Variants in ANKS3 observed in about 807,000 individuals in gnomAD.
The protein encoded by ANKS3 is ankyrin repeat and sterile alpha motif domain containing 3.
ANKS3 carries 62 observed loss-of-function variants against 80.7 expected under a neutral mutation model. The observed-to-expected ratio is 0.77, with a 90% confidence interval of 0.63 to 0.95. The LOEUF (loss-of-function observed/expected upper bound fraction) is 0.95. Among genes scored for constraint, ANKS3 ranks in the 40% least tolerant of loss-of-function variants. The probability of loss-of-function intolerance (pLI) is 0.00; values close to 1 mark genes in which losing one functional copy is unlikely to be tolerated. For missense variants in ANKS3, 1,150 were observed against 883.6 expected, an observed-to-expected ratio of 1.30 and a Z score of -3.82; for synonymous variants, 489 against 355.3, an observed-to-expected ratio of 1.38 and a Z score of -4.23.
At chr16:4,728,681 G>A (rs1006616657) in intron 3 of ANKS3, among the ~76,000 whole-genome samples, 4 of 151,916 alleles carry the variant, frequency 2.6e-5, no homozygotes, top group African/African-American at 9.7e-5. Flanking sequence ...CTCAGCTAGT[G>A]TCAAAATCCC....
chr16:4,697,166 C>G (rs1232281401), intron 16 of ANKS3, 62 bp from the exon 17 acceptor site: 1 of 1,590,384 alleles, frequency 6.3e-7, no homozygotes, highest in Non-Finnish European at 8.6e-7. Context: ...TGGTGCTGCC[C>G]CGGGGTCTCA....
chr16:4,711,610 T>G (rs1187356870), intron 7 of ANKS3, among the ~76,000 whole-genome samples: 1 of 148,676 alleles, frequency 6.7e-6, no homozygotes, highest in Non-Finnish European at 1.5e-5. Flanking sequence ...CCCATCTACT[T>G]GGGACGCTGA....
intron 11 of ANKS3, chr16:4,700,623 ACT>A: frequency 2.5e-6 from 1 of 398,878 alleles, no homozygotes; most frequent in Non-Finnish European, 4.8e-6. Flanking sequence ...CCAAGCACAC[ACT>A]GTGTGTAGTT....
At chr16:4,698,640 C>T (rs753371235) in intron 13 of ANKS3, 41 bp from the exon 14 acceptor site, 21 of 1,533,386 alleles carry the variant, frequency 1.4e-5, no homozygotes, top group East Asian at 2.3e-5. Context: ...GGGAGGTGGC[C>T]GGTCAAGCCA....
At chr16:4,731,351 C>A (rs771650700) in intron 2 of ANKS3, among the ~76,000 whole-genome samples, 161 bp downstream of exon 2, 1 of 152,204 alleles carries the variant, frequency 6.6e-6, no homozygotes, top group Non-Finnish European at 1.5e-5. Context: ...ATGATTTCAG[C>A]TCACTGGAAC....
intron 6 of ANKS3, among the ~76,000 whole-genome samples, chr16:4,724,355 C>T (rs1358540714): frequency 6.6e-6 from 1 of 152,204 alleles, no homozygotes; most frequent in Admixed American, 6.5e-5. Flanking sequence ...CACATCTTTC[C>T]ACAGCAGAGG....
intron 6 of ANKS3, among the ~76,000 whole-genome samples, chr16:4,722,280 A>T (rs74655737): frequency 0.02 from 2,966 of 151,538 alleles, 133 homozygotes; most frequent in Non-Finnish European, 0.031. Flanking sequence ...GACAGCTCGT[A>T]AGAGAAATAC....
At chr16:4,696,934 G>A in intron 17 of ANKS3, 38 bp from the exon 18 acceptor site, 2 of 1,250,224 alleles carry the variant, frequency 1.6e-6, no homozygotes, top group East Asian at 2.4e-5. Context: ...GAGGGGGACA[G>A]GTGGGTGCAT....
intron 8 of ANKS3, among the ~76,000 whole-genome samples, chr16:4,703,917 G>C (rs1172543220): frequency 6.6e-6 from 1 of 152,198 alleles, no homozygotes; most frequent in South Asian, 2.1e-4. Context: ...CAGCTATATA[G>C]ATTAATTACC....
At chr16:4,719,621 A>C (rs1302454660) in intron 6 of ANKS3, among the ~76,000 whole-genome samples, 1 of 148,982 alleles carries the variant, frequency 6.7e-6, no homozygotes, top group South Asian at 2.1e-4. Context: ...TGGGCAACAT[A>C]GTGAGATTTT....
At chr16:4,730,339 A>C (rs906365906) in intron 2 of ANKS3, 188 bp from the exon 3 acceptor site, 13 of 455,196 alleles carry the variant, frequency 2.9e-5, no homozygotes, top group Admixed American at 1.8e-4. Context: ...CAACCATGCT[A>C]AATCTGGTGA....
At chr16:4,707,860 C>T (rs1366982587) in intron 7 of ANKS3, among the ~76,000 whole-genome samples, 1 of 152,044 alleles carries the variant, frequency 6.6e-6, no homozygotes, top group Non-Finnish European at 1.5e-5. Flanking sequence ...CCTGTAATCC[C>T]AGCACTTTGG....
intron 3 of ANKS3, among the ~76,000 whole-genome samples, chr16:4,728,984 G>C (rs1476170352): frequency 6.6e-6 from 1 of 152,196 alleles, no homozygotes. Flanking sequence ...GGCTCACTGG[G>C]AACTGGAAGA....
At chr16:4,709,536 T>C (rs1341643265) in intron 7 of ANKS3, among the ~76,000 whole-genome samples, 1 of 152,212 alleles carries the variant, frequency 6.6e-6, no homozygotes, top group African/African-American at 2.4e-5. Context: ...GCCGCAGTAT[T>C]CACAGTAGCC....
rs147057375 is a variant in ANKS3 at position 4,716,870 on chromosome 16, G to A, written c.574-2684C>T. On this transcript the variant is annotated intron_variant, in intron 6 of 17. Transcript: ENST00000304283. The stretch of plus-strand genomic sequence containing the variant: ...GCGGAGGTTGCAGTGAGCTGAGATC[G>A]CGCCACTGCACTACAGCCTCGACGA... Among the ~76,000 whole-genome samples the A allele has an allele frequency of 7.1e-3, 1,082 of 151,642 alleles. 11 individuals are homozygous for A. The highest frequency in any genetic ancestry group is 0.025 in the African/African-American group (1,026 of 41,262).
At chr16:4,707,710 AT>A (rs2142061444) in intron 7 of ANKS3, among the ~76,000 whole-genome samples, 1 of 152,348 alleles carries the variant, frequency 6.6e-6, no homozygotes, top group Admixed American at 6.5e-5. Flanking sequence ...TTTGTAGAAA[AT>A]GAACTAAGAG....
At position 4,724,930 on chromosome 16, in the gene ANKS3, C is replaced by G. The variant is rs149584068; in HGVS notation, c.492-99G>C. On this transcript the variant is annotated intron_variant, in intron 5 of 17. Coordinates refer to ENST00000304283, the MANE Select transcript of ANKS3 (RefSeq NM_133450.4). ...AAACCCTGAGCAGTGCACGAGTCACCGATCCCTAAGCGTAGAACACTGTCC... is the reference window on the plus strand; with the variant it reads ...AAACCCTGAGCAGTGCACGAGTCACGGATCCCTAAGCGTAGAACACTGTCC... The G allele has an allele frequency of 4.3e-5, 42 of 984,384 alleles. No individual in the cohort carries two copies. The South Asian group carries it at 6.0e-4, about 14-fold the overall frequency. The allele number at this position is 984,384 out of a possible 1,614,324, so 61.0% of individuals were successfully genotyped here.
Position 4,714,055 on chromosome 16 carries a change from G to A in ANKS3, c.705C>T (p.Ser235=). The change falls in exon 7 of 18, where the codon AGC becomes AGT. Residue 235 remains serine (S), a synonymous_variant. Transcript: ENST00000304283. ...SPSLPKSLYR[S]PEKYEDLSSS... ...GCGGCTGGCAGGTGTGGGTACCTGG[G>A]CTCCGATAGAGGCTCTTGGGCAGAG... 6.2e-7 allele frequency: 1 copy of A among 1,614,084 alleles called. No individual in the cohort carries two copies. The highest frequency in any genetic ancestry group is 1.7e-5 in the Admixed American group (1 of 60,006).
At chr16:4,697,299 G>A (rs761855811) in intron 16 of ANKS3, 34 bp downstream of exon 16, 14 of 1,577,310 alleles carry the variant, frequency 8.9e-6, no homozygotes, top group Non-Finnish European at 1.1e-5. Flanking sequence ...GGAAACAAAA[G>A]GAGCGCTCAG....
Sources: allele counts gnomAD v4.1 joint callset (sites outside exome capture counted in the v4.1 genomes callset), GRCh38; gene constraint gnomAD v4.1.1; transcripts MANE v1.5; gene names NCBI Gene and HGNC (gene_info 2026-07-23, HGNC 2026-07-21).